The following HMGB1 variants were observed in gnomAD, a reference collection of about 807,000 sequenced individuals.
HMGB1 encodes the protein high mobility group protein B1.
For synonymous variants in HMGB1, 81 were observed against 84.0 expected (o/e 0.96, Z 0.19); for missense variants, 79 against 253.5 (o/e 0.31, Z 4.67).
intron 1 of HMGB1, among the ~76,000 whole-genome samples, chr13:30,465,578 C>T (rs1225518705): frequency 1.3e-5 from 2 of 151,406 alleles, no homozygotes; most frequent in Admixed American, 6.6e-5. Flanking sequence ...GGGCTCCCGG[C>T]GCCTCAGGCT....
intron 1 of HMGB1, among the ~76,000 whole-genome samples, chr13:30,518,501 T>C (rs1003238974): frequency 6.6e-6 from 1 of 152,184 alleles, no homozygotes; most frequent in Non-Finnish European, 1.5e-5. Context: ...CCTAGCTCTG[T>C]CATTTAGTTG....
intron 1 of HMGB1, among the ~76,000 whole-genome samples, chr13:30,506,244 G>A (rs1221729170): frequency 6.6e-6 from 1 of 152,120 alleles, no homozygotes; most frequent in Non-Finnish European, 1.5e-5. Flanking sequence ...GGGCAGGGGT[G>A]GCGTCTTGGG....
intron 1 of HMGB1, among the ~76,000 whole-genome samples, chr13:30,515,183 C>T (rs1249149214): frequency 6.6e-6 from 1 of 152,168 alleles, no homozygotes; most frequent in Non-Finnish European, 1.5e-5. Flanking sequence ...GCTTTTAGAA[C>T]CAGACAGCAG....
upstream of HMGB1, among the ~76,000 whole-genome samples, chr13:30,467,957 A>T (rs1886837887): frequency 1.3e-5 from 2 of 152,184 alleles, no homozygotes; most frequent in South Asian, 4.1e-4. Context: ...ACAGGATGAT[A>T]TGGTGAGTAA....
intron 1 of HMGB1, among the ~76,000 whole-genome samples, chr13:30,563,489 G>T (rs1171633493): frequency 6.6e-6 from 1 of 152,074 alleles, no homozygotes; most frequent in African/African-American, 2.4e-5. Context: ...GACACCTGTA[G>T]TCCCAGCTCC....
intron 1 of HMGB1, among the ~76,000 whole-genome samples, chr13:30,490,008 C>T (rs1238304948): frequency 7.4e-6 from 1 of 135,670 alleles, no homozygotes; most frequent in South Asian, 2.3e-4. Flanking sequence ...TTACAGGCAT[C>T]AGCCACTGCG....
intron 1 of HMGB1, among the ~76,000 whole-genome samples, chr13:30,611,309 T>G (rs903613605): frequency 1.3e-5 from 2 of 152,160 alleles, no homozygotes; most frequent in Admixed American, 1.3e-4. Flanking sequence ...ACTACAGGCA[T>G]GCGCCAACGT....
At chr13:30,536,913 T>A (rs1410609278) in intron 1 of HMGB1, among the ~76,000 whole-genome samples, 1 of 152,152 alleles carries the variant, frequency 6.6e-6, no homozygotes, top group African/African-American at 2.4e-5. Context: ...AGGGCCTGGA[T>A]TCATCTCCAA....
At chr13:30,486,887 G>A (rs1887376786) in intron 1 of HMGB1, among the ~76,000 whole-genome samples, 1 of 152,312 alleles carries the variant, frequency 6.6e-6, no homozygotes, top group African/African-American at 2.4e-5. Flanking sequence ...AACAGATACA[G>A]TCTGCTGCAG....
At chr13:30,466,001 T>C (rs1473662412), upstream of HMGB1, 1 of 972,002 alleles carries the variant, frequency 1.0e-6, no homozygotes, top group Non-Finnish European at 1.2e-6. Flanking sequence ...ATTGGCCCGA[T>C]ACCTCCCATT....
At chr13:30,514,393 T>C (rs997061882) in intron 1 of HMGB1, among the ~76,000 whole-genome samples, 1 of 150,348 alleles carries the variant, frequency 6.7e-6, no homozygotes, top group East Asian at 2.0e-4. Flanking sequence ...CTCACTATGT[T>C]ACCGAGTTTG....
At chr13:30,580,832 C>A (rs1870868094) in intron 1 of HMGB1, among the ~76,000 whole-genome samples, 1 of 152,180 alleles carries the variant, frequency 6.6e-6, no homozygotes, top group Non-Finnish European at 1.5e-5. Context: ...TGCTCAATAG[C>A]TTGTCTTTAT....
intron 1 of HMGB1, among the ~76,000 whole-genome samples, chr13:30,610,265 T>A (rs186483944): frequency 6.1e-4 from 93 of 152,206 alleles, no homozygotes; most frequent in African/African-American, 2.2e-3. Flanking sequence ...GAGAGGGTGG[T>A]CCCTAACCCC....
rs371643884 is a variant in HMGB1, at chr13:30,475,225, C to CTTT, written c.-14-11534_-14-11532dup. On this transcript the variant is annotated intron_variant, in intron 1 of 4. Coordinates refer to the HMGB1 transcript ENST00000405805. ...TTCAGCTCACTGTCTCTCTCTCTCT[C>CTTT]TTTTTTTTTTTTTTTGAGATAGGGT... Among the ~76,000 whole-genome samples the CTTT allele has an allele frequency of 5.9e-3, 549 of 92,544 alleles. 29 individuals are homozygous for CTTT. The highest frequency in any genetic ancestry group is 0.022 in the African/African-American group (496 of 22,318). 60.7% of individuals were successfully genotyped at this position (92,544 alleles called of 152,430 possible).
At chr13:30,590,221 A>G (rs538336298) in intron 1 of HMGB1, among the ~76,000 whole-genome samples, 2 of 152,270 alleles carry the variant, frequency 1.3e-5, no homozygotes, top group African/African-American at 4.8e-5. Flanking sequence ...CTGAGTACTT[A>G]GAATATAGCT....
chr13:30,581,621 C>T (rs575184622), intron 1 of HMGB1, among the ~76,000 whole-genome samples: 1 of 152,232 alleles, frequency 6.6e-6, no homozygotes, highest in South Asian at 2.1e-4. Context: ...AACAGAACCA[C>T]AAGTATTAGA....
At chr13:30,545,034 A>G (rs1332665589) in intron 1 of HMGB1, among the ~76,000 whole-genome samples, 2 of 152,186 alleles carry the variant, frequency 1.3e-5, no homozygotes, top group African/African-American at 4.8e-5. Flanking sequence ...TCTCTTAAAA[A>G]AACTATTTTT....
Position 30,608,966 on chromosome 13 carries a change from C to A in HMGB1, c.-15+7705G>T, listed in dbSNP as rs192569742. 3.1e-3 allele frequency among the ~76,000 whole-genome samples: 478 copies of A among 152,224 alleles called. 2 individuals are homozygous for A. The highest frequency in any genetic ancestry group is 0.011 in the African/African-American group (448 of 41,530). On this transcript the variant is annotated intron_variant, in intron 1 of 4. Coordinates refer to the HMGB1 transcript ENST00000405805. ...TTTTAAACAGAAACTATAAAAAACACGATTAATAGGTGAGGCCGGGCGCGG... is the reference window on the plus strand; with the variant it reads ...TTTTAAACAGAAACTATAAAAAACAAGATTAATAGGTGAGGCCGGGCGCGG...
At position 30,559,983 on chromosome 13, in the gene HMGB1, G is replaced by A. The variant is rs984630912; in HGVS notation, c.-15+56688C>T. ...CAGATGTCACGTGTTTCTCACCATT[G>A]AGACCCCCAAGGCACCCCCTCCCAG... On this transcript the variant is annotated intron_variant, in intron 1 of 4. Coordinates refer to the HMGB1 transcript ENST00000405805. The surrounding 1 kb of genome is among the most constrained non-coding windows in gnomAD (Gnocchi z 6.6). Among the ~76,000 whole-genome samples, 2 of 152,016 alleles carry A rather than the reference G, an allele frequency of 1.3e-5. No individual in the cohort carries two copies. The highest frequency in any genetic ancestry group is 2.9e-5 in the Non-Finnish European group (2 of 68,004).
Sources: allele counts gnomAD v4.1 joint callset (sites outside exome capture counted in the v4.1 genomes callset), GRCh38; gene constraint gnomAD v4.1.1; non-coding constraint Gnocchi (gnomAD v3.1); transcripts MANE v1.5; gene names NCBI Gene and HGNC (gene_info 2026-07-23, HGNC 2026-07-21).